The following S1PR4 variants were observed in gnomAD, a reference collection of about 807,000 sequenced individuals.
The protein encoded by S1PR4 is sphingosine 1-phosphate receptor 4.
In S1PR4, 1 loss-of-function variant was observed where a neutral mutation model predicts 0.4. The ratio of observed to expected loss-of-function variants is 2.48; its 90% CI spans 0.88 to 11.76. The LOEUF (loss-of-function observed/expected upper bound fraction) is 11.76, where lower values mean the gene tolerates loss of function less well. Among genes scored for constraint, S1PR4 ranks in the 30% most tolerant of loss-of-function variants. The probability of loss-of-function intolerance (pLI) is 0.12; values close to 1 mark genes in which losing one functional copy is unlikely to be tolerated. For synonymous variants in S1PR4, 296 were observed against 266.7 expected (o/e 1.11, Z -1.07); for missense variants, 595 against 557.8 (o/e 1.07, Z -0.67).
chr19:3,179,982 G>A lies in S1PR4; in HGVS notation c.*35G>A, dbSNP rs537939512. The A allele has an allele frequency of 4.5e-5, 68 of 1,498,968 alleles. No individual in the cohort carries two copies. Among genetic ancestry groups the A allele is most frequent in the Admixed American group, 3.1e-4 (13 of 42,540 alleles). The allele number at this position is 1,498,968 out of a possible 1,614,324, so 92.9% of individuals were successfully genotyped here. A position where few individuals can be genotyped will look rare whatever the true frequency, so the allele number is the denominator to read the frequency against. On this transcript the variant is annotated 3_prime_UTR_variant, in exon 1 of 1. Coordinates refer to ENST00000246115, the MANE Select transcript of S1PR4 (RefSeq NM_003775.4). ...CTTGCGTGTGGATGGTGCAGCCACC[G>A]GGTGCGTGCCAGGCAGGCCCTCCTG...
rs144432968 is a variant in S1PR4, at chr19:3,179,110, G to A, written c.318G>A (p.Ser106=). 8.1e-4 allele frequency: 1,310 copies of A among 1,611,340 alleles called. 1 individual carries two copies. Among genetic ancestry groups the A allele is most frequent in the Non-Finnish European group, 9.6e-4 (1,134 of 1,179,758 alleles). Residue 106 remains serine (S), a synonymous_variant, in exon 1 of 1, where the codon TCG becomes TCA. Transcript: ENST00000246115. ...GAAYLANVLL[S]GARTFRLAPA... is the part of the protein sequence containing the mutation. ...CCTACCTGGCCAACGTGCTGCTGTCGGGGGCCCGCACCTTCCGTCTGGCGC... is the reference window on the plus strand; with the variant it reads ...CCTACCTGGCCAACGTGCTGCTGTCAGGGGCCCGCACCTTCCGTCTGGCGC...
Position 3,179,598 on chromosome 19 carries a change from G to T in S1PR4, c.806G>T (p.Gly269Val). 6.2e-7 allele frequency: 1 copy of T among 1,613,208 alleles called. No homozygotes were observed. Among genetic ancestry groups the T allele is most frequent in the East Asian group, 2.2e-5 (1 of 44,862 alleles). The stretch of plus-strand genomic sequence containing the variant: ...CTGGTGTGCTGGGGCCCACTCTTCG[G>T]GCTGCTGCTGGCCGACGTCTTTGGC... ...AFLVCWGPLF[G>V]LLLADVFGSN... The change falls in exon 1 of 1, where the codon GGG becomes GTG. Residue 269 changes from glycine (G) to valine (V), a missense_variant. Coordinates refer to ENST00000246115, the MANE Select transcript of S1PR4 (RefSeq NM_003775.4).
At position 3,179,381 on chromosome 19, in the gene S1PR4, C is replaced by T. The variant is rs1259972903; in HGVS notation, c.589C>T (p.Leu197=). 2 of 1,613,252 alleles carry T rather than the reference C, an allele frequency of 1.2e-6. No individual in the cohort carries two copies. The highest frequency in any genetic ancestry group is 1.7e-6 in the Non-Finnish European group (2 of 1,179,964). The change falls in exon 1 of 1, where the codon CTG becomes TTG. Residue 197 remains leucine (L), a synonymous_variant. Transcript: ENST00000246115. ...LCAFDRCSSL[L]PLYSKRYILF... is the part of the protein sequence containing the mutation. ...CGCCTTTGACCGCTGCTCCAGCCTT[C>T]TGCCCCTCTACTCCAAGCGCTACAT...
In S1PR4 at chr19:3,179,818, C is replaced by T. The variant is rs373903783; in HGVS notation, c.1026C>T (p.Val342=). The change falls in exon 1 of 1, where the codon GTC becomes GTT. Residue 342 remains valine (V), a synonymous_variant. Transcript: ENST00000246115. ...CCGGGGACTGCCTGGCCCGGGCCGT[C>T]GAGGCTCACTCCGGAGCTTCCACCA... ...RGPGDCLARA[V]EAHSGASTTD... 1.6e-5 allele frequency: 26 copies of T among 1,593,368 alleles called. 1 individual carries two copies. The South Asian group carries it at 2.2e-4, about 14-fold the overall frequency.
chr19:3,179,565 T>G lies in S1PR4; in HGVS notation c.773T>G (p.Leu258Arg), dbSNP rs774541096. 1 of 1,613,064 alleles carries G rather than the reference T, an allele frequency of 6.2e-7. No homozygotes were observed. The highest frequency in any genetic ancestry group is 8.5e-7 in the Non-Finnish European group (1 of 1,179,852). ...CTGAAGACGGTGCTGATGATCCTGC[T>G]GGCCTTCCTGGTGTGCTGGGGCCCA... The part of the protein sequence containing the change: ...RLLKTVLMIL[L>R]AFLVCWGPLF... The change falls in exon 1 of 1, where the codon CTG becomes CGG. Residue 258 changes from leucine (L) to arginine (R), a missense_variant. Coordinates refer to ENST00000246115, the MANE Select transcript of S1PR4 (RefSeq NM_003775.4).
rs373903783 is a variant in S1PR4 at position 3,179,818 on chromosome 19, C to A, written c.1026C>A (p.Val342=). The A allele has an allele frequency of 6.3e-7, 1 of 1,593,250 alleles. No individual in the cohort carries two copies. Among genetic ancestry groups the A allele is most frequent in the African/African-American group, 1.3e-5 (1 of 74,160 alleles). Reference sequence around the variant, plus strand: ...CCGGGGACTGCCTGGCCCGGGCCGTCGAGGCTCACTCCGGAGCTTCCACCA... The same window carrying A: ...CCGGGGACTGCCTGGCCCGGGCCGTAGAGGCTCACTCCGGAGCTTCCACCA... ...RGPGDCLARA[V]EAHSGASTTD... Residue 342 remains valine (V), a synonymous_variant, in exon 1 of 1, where the codon GTC becomes GTA. Transcript: ENST00000246115.
Position 3,179,925 on chromosome 19 carries a change from T to A in S1PR4, c.1133T>A (p.Ile378Asn). The A allele has an allele frequency of 6.6e-7, 1 of 1,513,532 alleles. No individual in the cohort carries two copies. Among genetic ancestry groups the A allele is most frequent in the Admixed American group, 2.3e-5 (1 of 44,090 alleles). 93.8% of individuals were successfully genotyped at this position (1,513,532 alleles called of 1,614,324 possible). ...CGGATGCGGGAGCCCCTGTCCAGCATCTCCAGCGTGCGGAGCATCTGAAGT... is the reference window on the plus strand; with the variant it reads ...CGGATGCGGGAGCCCCTGTCCAGCAACTCCAGCGTGCGGAGCATCTGAAGT... The part of the protein sequence containing the change: ...SFRMREPLSS[I>N]SSVRSI Residue 378 changes from isoleucine to asparagine, a missense_variant, in exon 1 of 1, where the codon ATC becomes AAC. Transcript: ENST00000246115.
rs765042742 is a variant in S1PR4, at chr19:3,180,026, G to A, written c.*79G>A. 251 of 1,356,470 alleles carry A rather than the reference G, an allele frequency of 1.9e-4. No individual in the cohort carries two copies. Among genetic ancestry groups the A allele is most frequent in the Non-Finnish European group, 2.4e-4 (243 of 999,848 alleles). 84.0% of individuals were successfully genotyped at this position (1,356,470 alleles called of 1,614,324 possible). ...CCTCCTGGGGTACAGGAAGCTGTGT[G>A]CACGCAGCCTCGCCTGTATGGGGAG... On this transcript the variant is annotated 3_prime_UTR_variant, in exon 1 of 1. Coordinates refer to ENST00000246115, the MANE Select transcript of S1PR4 (RefSeq NM_003775.4).
In S1PR4 at chr19:3,178,835, C is replaced by A; in HGVS notation, c.43C>A (p.Gln15Lys). The change falls in exon 1 of 1, where the codon CAG becomes AAG. Residue 15 changes from glutamine to lysine, a missense_variant. Coordinates refer to ENST00000246115, the MANE Select transcript of S1PR4 (RefSeq NM_003775.4). The stretch of plus-strand genomic sequence containing the variant: ...CCCGGTGGCCCCCGAGTCCTGCCAA[C>A]AGCTGGCGGCCGGCGGGCACAGCCG... ...GTPVAPESCQ[Q>K]LAAGGHSRLI... The A allele has an allele frequency of 6.5e-7, 1 of 1,535,520 alleles. No homozygotes were observed. Among genetic ancestry groups the A allele is most frequent in the Non-Finnish European group, 8.7e-7 (1 of 1,147,542 alleles).
Position 3,179,090 on chromosome 19 carries a change from C to A in S1PR4, c.298C>A (p.Leu100Met). 1 of 1,611,022 alleles carries A rather than the reference C, an allele frequency of 6.2e-7. No individual in the cohort carries two copies. The change falls in exon 1 of 1, where the codon CTG becomes ATG. Residue 100 changes from leucine to methionine, a missense_variant. By Grantham distance (15) the Leu-to-Met change is conservative (BLOSUM62 2). Transcript: ENST00000246115. Reference sequence around the variant, plus strand: ...TGACCTGCTCACGGGCGCGGCCTACCTGGCCAACGTGCTGCTGTCGGGGGC... The same window carrying A: ...TGACCTGCTCACGGGCGCGGCCTACATGGCCAACGTGCTGCTGTCGGGGGC... ...LSDLLTGAAY[L>M]ANVLLSGART...
Position 3,179,744 on chromosome 19 carries a change from G to A in S1PR4, c.952G>A (p.Val318Met), listed in dbSNP as rs145561195. ...SFRSREVCRA[V>M]LSFLCCGCLR... ...CCGCAGCAGGGAGGTGTGCAGAGCC[G>A]TGCTCAGCTTCCTCTGCTGCGGGTG... The change falls in exon 1 of 1, where the codon GTG (valine) becomes ATG (methionine). Residue 318 changes from valine to methionine, a missense_variant. By Grantham distance (21) the Val-to-Met change is conservative. Coordinates refer to ENST00000246115, the MANE Select transcript of S1PR4 (RefSeq NM_003775.4). 840 of 1,612,570 alleles carry A rather than the reference G, an allele frequency of 5.2e-4. 2 individuals carry two copies. The highest frequency in any genetic ancestry group is 5.7e-4 in the Non-Finnish European group (676 of 1,179,810).
In S1PR4 at chr19:3,179,154, G is replaced by C; in HGVS notation, c.362G>C (p.Arg121Pro). The C allele has an allele frequency of 1.9e-6, 3 of 1,611,826 alleles. No individual in the cohort carries two copies. Among genetic ancestry groups the C allele is most frequent in the Non-Finnish European group, 2.5e-6 (3 of 1,179,498 alleles). Reference protein sequence around the residue: ...FRLAPAQWFLREGLLFTALAA... With the variant: ...FRLAPAQWFLPEGLLFTALAA... ...CTGGCGCCCGCCCAGTGGTTCCTACGGGAGGGCCTGCTCTTCACCGCCCTG... is the reference window on the plus strand; with the variant it reads ...CTGGCGCCCGCCCAGTGGTTCCTACCGGAGGGCCTGCTCTTCACCGCCCTG... Residue 121 changes from arginine (R) to proline (P), a missense_variant, in exon 1 of 1, where the codon CGG (arginine) becomes CCG (proline). Physicochemically the swap from Arg to Pro is moderately radical, Grantham distance 103 (BLOSUM62 -2). Transcript: ENST00000246115.
Position 3,180,094 on chromosome 19 carries a change from C to A in S1PR4, c.*147C>A, listed in dbSNP as rs551322518. The A allele has an allele frequency of 1.4e-6, 1 of 725,612 alleles. No individual in the cohort carries two copies. The highest frequency in any genetic ancestry group is 2.1e-6 in the Non-Finnish European group (1 of 480,986). 44.9% of individuals were successfully genotyped at this position (725,612 alleles called of 1,614,324 possible). ...CCCCATGGTCTTCCCGGTGGCCTCT[C>A]GGGGCTTCTGACGCCAAATGGGCTT... is the stretch of plus-strand genomic sequence containing the variant. On this transcript the variant is annotated 3_prime_UTR_variant, in exon 1 of 1. Coordinates refer to ENST00000246115, the MANE Select transcript of S1PR4 (RefSeq NM_003775.4).
In S1PR4 at chr19:3,178,791, C is replaced by G; in HGVS notation, c.-2C>G. 1 of 1,486,640 alleles carries G rather than the reference C, an allele frequency of 6.7e-7. No individual in the cohort carries two copies. The highest frequency in any genetic ancestry group is 8.9e-7 in the Non-Finnish European group (1 of 1,129,120). 92.1% of individuals were successfully genotyped at this position (1,486,640 alleles called of 1,614,324 possible). A position where few individuals can be genotyped will look rare whatever the true frequency, so the allele number is the denominator to read the frequency against. On this transcript the variant is annotated 5_prime_UTR_variant, in exon 1 of 1. Coordinates refer to ENST00000246115, the MANE Select transcript of S1PR4 (RefSeq NM_003775.4). ...GGCCTCAGTCAGCCCCCGGGGGAGGCCATGAACGCCACGGGGACCCCGGTG... is the reference window on the plus strand; with the variant it reads ...GGCCTCAGTCAGCCCCCGGGGGAGGGCATGAACGCCACGGGGACCCCGGTG...
chr19:3,178,924 C>G lies in S1PR4; in HGVS notation c.132C>G (p.Gly44=). 2 of 1,526,134 alleles carry G rather than the reference C, an allele frequency of 1.3e-6. No individual in the cohort carries two copies. The highest frequency in any genetic ancestry group is 1.2e-5 in the South Asian group (1 of 82,752). 94.5% of individuals were successfully genotyped at this position (1,526,134 alleles called of 1,614,324 possible). The change falls in exon 1 of 1, where the codon GGC becomes GGG. Residue 44 remains glycine, a synonymous_variant. Transcript: ENST00000246115. ...RLAGRGGPED[G]GLGALRGLSV... is the part of the protein sequence containing the mutation. ...CCGGGCGCGGGGGGCCGGAGGATGG[C>G]GGCCTGGGGGCCCTGCGGGGGCTGT...
chr19:3,179,705 A>G lies in S1PR4; in HGVS notation c.913A>G (p.Ile305Val). Residue 305 changes from isoleucine (I) to valine (V), a missense_variant, in exon 1 of 1, where the codon ATC (isoleucine) becomes GTC (valine). Coordinates refer to ENST00000246115, the MANE Select transcript of S1PR4 (RefSeq NM_003775.4). ...LAVLNSAVNP[I>V]IYSFRSREVC... ...CGTCCTCAACTCGGCGGTCAACCCC[A>G]TCATCTACTCCTTCCGCAGCAGGGA... The G allele has an allele frequency of 1.2e-6, 2 of 1,613,186 alleles. No homozygotes were observed. The highest frequency in any genetic ancestry group is 2.2e-5 in the East Asian group (1 of 44,854).
rs571305963 is a variant in S1PR4 at position 3,178,799 on chromosome 19, G to A, written c.7G>A (p.Ala3Thr). Residue 3 changes from alanine to threonine, a missense_variant, in exon 1 of 1, where the codon GCC (alanine) becomes ACC (threonine). By Grantham distance (58) the Ala-to-Thr change is moderately conservative (BLOSUM62 0). Transcript: ENST00000246115. ...TCAGCCCCCGGGGGAGGCCATGAAC[G>A]CCACGGGGACCCCGGTGGCCCCCGA... is the stretch of plus-strand genomic sequence containing the variant. MNATGTPVAPESC... is the reference protein window; with the variant it reads MNTTGTPVAPESC... 2.5e-5 allele frequency: 38 copies of A among 1,493,816 alleles called. No homozygotes were observed. The South Asian group carries it at 2.7e-4, about 11-fold the overall frequency. 92.5% of individuals were successfully genotyped at this position (1,493,816 alleles called of 1,614,324 possible). A position where few individuals can be genotyped will look rare whatever the true frequency, so the allele number is the denominator to read the frequency against.
rs775141683 is a variant in S1PR4 at position 3,178,822 on chromosome 19, C to T, written c.30C>T (p.Pro10=). The T allele has an allele frequency of 1.3e-5, 20 of 1,530,560 alleles. No homozygotes were observed. The highest frequency in any genetic ancestry group is 4.8e-5 in the South Asian group (4 of 83,270). 94.8% of individuals were successfully genotyped at this position (1,530,560 alleles called of 1,614,324 possible). Residue 10 remains proline, a synonymous_variant, in exon 1 of 1, where the codon CCC becomes CCT. Coordinates refer to ENST00000246115, the MANE Select transcript of S1PR4 (RefSeq NM_003775.4). MNATGTPVA[P]ESCQQLAAGG... ...ACGCCACGGGGACCCCGGTGGCCCC[C>T]GAGTCCTGCCAACAGCTGGCGGCCG...
Position 3,179,543 on chromosome 19 carries a change from A to G in S1PR4, c.751A>G (p.Lys251Glu). 6.2e-7 allele frequency: 1 copy of G among 1,612,486 alleles called. No individual in the cohort carries two copies. Among genetic ancestry groups the G allele is most frequent in the East Asian group, 2.2e-5 (1 of 44,850 alleles). ...CCGCCGCAAGGCCCGCCGCCTGCTG[A>G]AGACGGTGCTGATGATCCTGCTGGC... ...AARRKARRLL[K>E]TVLMILLAFL... Residue 251 changes from lysine to glutamate, a missense_variant, in exon 1 of 1, where the codon AAG (lysine) becomes GAG (glutamate). Transcript: ENST00000246115.
Sources: allele counts gnomAD v4.1 joint callset, GRCh38; gene constraint gnomAD v4.1.1; transcripts MANE v1.5; gene names NCBI Gene and HGNC (gene_info 2026-07-23, HGNC 2026-07-21).